The following ZFHX3 variants were observed in gnomAD, a reference collection of about 807,000 sequenced individuals.
ZFHX3 encodes the protein zinc finger homeobox protein 3.
In ZFHX3, 42 loss-of-function variants were observed where a neutral mutation model predicts 279.1. The ratio of observed to expected loss-of-function variants is 0.15; its 90% CI spans 0.12 to 0.19. The LOEUF is 0.19. Ranked by LOEUF, ZFHX3 falls within the 10% of genes least tolerant of loss-of-function variation. ZFHX3 has a pLI of 1.00. For synonymous variants in ZFHX3, 2,293 were observed against 1,957.8 expected (o/e 1.17, Z -4.52); for missense variants, 4,981 against 4,754.0 (o/e 1.05, Z -1.40).
At chr16:73,668,159 A>C (rs1276790424) in intron 2 of ZFHX3, among the ~76,000 whole-genome samples, 1 of 152,186 alleles carries the variant, frequency 6.6e-6, no homozygotes, top group Non-Finnish European at 1.5e-5. Context: ...ATTTTTCGGC[A>C]CAAGTGTCTA....
At chr16:73,778,462 G>A (rs8045267) in intron 1 of ZFHX3, among the ~76,000 whole-genome samples, 42,992 of 152,014 alleles carry the variant, frequency 0.28, 6,196 homozygotes, top group Admixed American at 0.33. Context: ...AAAATAACAT[G>A]TTCTTCAAAT....
chr16:73,155,869 T>A (rs1029739327), intron 5 of ZFHX3, among the ~76,000 whole-genome samples: 1 of 151,942 alleles, frequency 6.6e-6, no homozygotes, highest in Non-Finnish European at 1.5e-5. Flanking sequence ...TATATATATA[T>A]GACACATGTC....
At chr16:73,735,904 T>TG (rs1447955162) in intron 1 of ZFHX3, among the ~76,000 whole-genome samples, 3,176 of 151,618 alleles carry the variant, frequency 0.021, 158 homozygotes, top group African/African-American at 0.072. Flanking sequence ...TTTTTTTTTT[T>TG]TTTTTTTTTT....
At chr16:73,032,257 GTA>G (rs1429741074) in intron 1 of ZFHX3, among the ~76,000 whole-genome samples, 1 of 152,078 alleles carries the variant, frequency 6.6e-6, no homozygotes, top group Non-Finnish European at 1.5e-5. Context: ...AACCATGATT[GTA>G]TCACTACACT....
chr16:73,202,718 G>C (rs955945166), intron 5 of ZFHX3, among the ~76,000 whole-genome samples: 2 of 152,022 alleles, frequency 1.3e-5, no homozygotes, highest in African/African-American at 4.8e-5. Context: ...TCTTTCATGT[G>C]ATGCACTTTT....
intron 3 of ZFHX3, among the ~76,000 whole-genome samples, chr16:73,370,419 T>C (rs1253472536): frequency 6.6e-6 from 1 of 152,156 alleles, no homozygotes; most frequent in Non-Finnish European, 1.5e-5. Flanking sequence ...GTTTAAGACA[T>C]GTGAGAGCTT....
chr16:72,834,675 G>A (rs1236423180), intron 4 of ZFHX3, among the ~76,000 whole-genome samples: 1 of 152,114 alleles, frequency 6.6e-6, no homozygotes, highest in Non-Finnish European at 1.5e-5. Context: ...CTGGAAATTG[G>A]TTCGCGAAAG....
Position 73,378,030 on chromosome 16 carries a change from CAAAAAAAAAAAAAAAAAAAAAA to C in ZFHX3, c.-1290-59716_-1290-59695del, listed in dbSNP as rs71156159. Reference sequence around the variant, plus strand: ...CCTGGGTGACAGAGAGACTCTGTCTCAAAAAAAAAAAAAAAAAAAAAAAAAAAAAAAAAAAAAAATCTTATAC... The same window carrying C: ...CCTGGGTGACAGAGAGACTCTGTCTCAAAAAAAAAAAAAAAAATCTTATAC... On this transcript the variant is annotated intron_variant, in intron 3 of 17. Transcript: ENST00000641206. Among the ~76,000 whole-genome samples, 496 of 53,844 alleles carry C rather than the reference CAAAAAAAAAAAAAAAAAAAAAA, an allele frequency of 9.2e-3. 9 individuals carry two copies. The highest frequency in any genetic ancestry group is 0.012 in the Non-Finnish European group (363 of 30,824). The allele number at this position is 53,844 out of a possible 152,430, so 35.3% of individuals were successfully genotyped here.
intron 3 of ZFHX3, among the ~76,000 whole-genome samples, chr16:73,439,910 A>AG (rs1491535092): frequency 9.8e-4 from 13 of 13,214 alleles, no homozygotes; most frequent in East Asian, 9.8e-3. Context: ...GGAGAGGGAC[A>AG]AAAAAAAAAA....
chr16:73,668,299 G>A (rs1447786515), intron 2 of ZFHX3, among the ~76,000 whole-genome samples: 1 of 151,764 alleles, frequency 6.6e-6, no homozygotes, highest in Non-Finnish European at 1.5e-5. Context: ...GCTGATCTTT[G>A]TATTTTCTTT....
In ZFHX3 at chr16:72,940,948, CT is replaced by C. The variant is rs138600229; in HGVS notation, c.3216+9520del. Among the ~76,000 whole-genome samples, 317 of 152,340 alleles carry C rather than the reference CT, an allele frequency of 2.1e-3. 1 individual carries two copies. The highest frequency in any genetic ancestry group is 7.5e-3 in the African/African-American group (310 of 41,572). ...ACTCTCTGCATTCCCTATTAGCGACCTATACACCATAGGCACACAGGGTCTC... is the reference window on the plus strand; with the variant it reads ...ACTCTCTGCATTCCCTATTAGCGACCATACACCATAGGCACACAGGGTCTC... On this transcript the variant is annotated intron_variant, in intron 3 of 9. Transcript: ENST00000268489.
chr16:72,828,073 T>C (rs1315888327), intron 5 of ZFHX3, among the ~76,000 whole-genome samples: 2 of 152,228 alleles, frequency 1.3e-5, no homozygotes, highest in Admixed American at 6.5e-5. Context: ...GTCATTTTCA[T>C]TGCTCTCTTC....
chr16:73,626,107 C>T (rs1186421183), intron 2 of ZFHX3, among the ~76,000 whole-genome samples: 3 of 152,300 alleles, frequency 2.0e-5, no homozygotes, highest in Admixed American at 6.5e-5. Context: ...CCGCCCGCCT[C>T]GGCCTCCCAA....
upstream of ZFHX3, chr16:73,891,907 A>G (rs1014313056): frequency 6.6e-6 from 1 of 152,230 alleles, no homozygotes; most frequent in Non-Finnish European, 1.5e-5. Context: ...GAGGAGGGTC[A>G]CAGCTTAATG....
rs546761843 is a variant in ZFHX3, at chr16:73,541,786, C to CTTTTTT, written c.-1546-85534_-1546-85529dup. Among the ~76,000 whole-genome samples the CTTTTTT allele has an allele frequency of 1.5e-3, 135 of 88,124 alleles. 6 individuals carry two copies. Among genetic ancestry groups the CTTTTTT allele is most frequent in the African/African-American group, 5.4e-3 (131 of 24,406 alleles). 57.8% of individuals were successfully genotyped at this position (88,124 alleles called of 152,430 possible). A position where few individuals can be genotyped will look rare whatever the true frequency, so the allele number is the denominator to read the frequency against. ...TCCTGCCCTCCTGTTTGGTGGTTCT[C>CTTTTTT]TTTTTTTTTTTTTTTTTTTTTTTTT... On this transcript the variant is annotated intron_variant, in intron 2 of 17. Coordinates refer to the ZFHX3 transcript ENST00000641206.
chr16:73,488,295 A>G (rs1435813488), intron 2 of ZFHX3, among the ~76,000 whole-genome samples: 2 of 152,162 alleles, frequency 1.3e-5, no homozygotes, highest in Non-Finnish European at 2.9e-5. Context: ...TAGCAGCCAT[A>G]TGGGTGGCAA....
chr16:73,773,777 G>C (rs1233046947), intron 1 of ZFHX3, among the ~76,000 whole-genome samples: 1 of 152,176 alleles, frequency 6.6e-6, no homozygotes, highest in Non-Finnish European at 1.5e-5. Context: ...CAAATGTAAA[G>C]AAAGGAGAGA....
intron 2 of ZFHX3, among the ~76,000 whole-genome samples, chr16:73,616,619 T>C (rs1179580874): frequency 6.6e-6 from 1 of 151,966 alleles, no homozygotes; most frequent in Non-Finnish European, 1.5e-5. Flanking sequence ...TGTGTACATA[T>C]ATGCACATGT....
intron 7 of ZFHX3, among the ~76,000 whole-genome samples, chr16:72,806,204 T>A (rs2036259279): frequency 1.3e-5 from 2 of 152,198 alleles, no homozygotes; most frequent in South Asian, 4.1e-4. Flanking sequence ...CATTCAATTT[T>A]TAAATACATC....
Sources: allele counts gnomAD v4.1 joint callset (sites outside exome capture counted in the v4.1 genomes callset), GRCh38; gene constraint gnomAD v4.1.1; transcripts MANE v1.5; gene names NCBI Gene and HGNC (gene_info 2026-07-23, HGNC 2026-07-21).